The following KCNQ1 variants were observed in gnomAD, a reference collection of about 807,000 sequenced individuals.
The protein encoded by KCNQ1 is potassium voltage-gated channel subfamily Q member 1, also known as potassium voltage-gated channel subfamily KQT member 1.
A neutral mutation model predicts 72.4 loss-of-function variants in KCNQ1; 49 were observed. The ratio of observed to expected loss-of-function variants is 0.68; its 90% CI spans 0.54 to 0.86. The LOEUF is 0.86. KCNQ1 is among the 40% of genes least tolerant of loss of function. The probability of loss-of-function intolerance (pLI) is 0.00; values close to 1 mark genes in which losing one functional copy is unlikely to be tolerated. For synonymous variants in KCNQ1, 450 were observed against 412.6 expected (o/e 1.09, Z -1.10); for missense variants, 790 against 945.1 (o/e 0.84, Z 2.15).
intron 1 of KCNQ1, among the ~76,000 whole-genome samples, chr11:2,505,222 C>T (rs1022034660): frequency 2.6e-5 from 4 of 152,082 alleles, no homozygotes; most frequent in African/African-American, 7.2e-5. Flanking sequence ...CTCCCTCTGC[C>T]CCCCTTTTTC....
chr11:2,590,960 G>C (rs1047425736), intron 10 of KCNQ1, among the ~76,000 whole-genome samples: 8 of 152,354 alleles, frequency 5.3e-5, no homozygotes, highest in African/African-American at 1.7e-4. Flanking sequence ...TGCTGTGTAT[G>C]TGCTCAGCCA....
chr11:2,699,091 TC>T, intron 11 of KCNQ1: 1 of 398,516 alleles, frequency 2.5e-6, no homozygotes, highest in Non-Finnish European at 4.4e-6. Context: ...CCAACTTCCA[TC>T]CCAATAGCGC....
At chr11:2,837,607 C>T (rs1179325723) in intron 15 of KCNQ1, among the ~76,000 whole-genome samples, 1 of 152,212 alleles carries the variant, frequency 6.6e-6, no homozygotes, top group African/African-American at 2.4e-5. Flanking sequence ...AGGAACCGGG[C>T]AGACAGAGGT....
At chr11:2,585,926 C>T (rs1457337554) in intron 8 of KCNQ1, among the ~76,000 whole-genome samples, 1 of 152,224 alleles carries the variant, frequency 6.6e-6, no homozygotes, top group Non-Finnish European at 1.5e-5. Context: ...TCTGTCACTC[C>T]AGGCTCTCCA....
intron 2 of KCNQ1, among the ~76,000 whole-genome samples, chr11:2,552,935 G>A (rs933513639): frequency 3.9e-5 from 6 of 152,244 alleles, no homozygotes; most frequent in Non-Finnish European, 8.8e-5. Flanking sequence ...TCAGGATTGT[G>A]TAATTTTTAG....
chr11:2,590,165 A>T (rs1181896607), intron 10 of KCNQ1, among the ~76,000 whole-genome samples: 2 of 152,188 alleles, frequency 1.3e-5, no homozygotes, highest in African/African-American at 4.8e-5. Flanking sequence ...GGTATTTGAG[A>T]TAGCTGTGCT....
intron 11 of KCNQ1, among the ~76,000 whole-genome samples, chr11:2,761,133 A>G (rs1241047303): frequency 6.6e-6 from 1 of 152,164 alleles, no homozygotes; most frequent in Non-Finnish European, 1.5e-5. Flanking sequence ...CTCTCAGCAG[A>G]TGGGGGAGCA....
Position 2,782,686 on chromosome 11 carries a change from C to G in KCNQ1, c.1794+4649C>G, listed in dbSNP as rs1214331173. Among the ~76,000 whole-genome samples, 1 of 152,080 alleles carries G rather than the reference C, an allele frequency of 6.6e-6. No individual in the cohort carries two copies. The highest frequency in any genetic ancestry group is 1.5e-5 in the Non-Finnish European group (1 of 67,996). ...TATCAGTTTTGATAAGTTATATATT[C>G]TAGGAATTTATACATTTCATTTTAG... On this transcript the variant is annotated intron_variant, in intron 15 of 15. Coordinates refer to ENST00000155840, the MANE Select transcript of KCNQ1 (RefSeq NM_000218.3). The surrounding 1 kb of genome is among the most constrained non-coding windows in gnomAD (Gnocchi z 6.1).
intron 11 of KCNQ1, chr11:2,697,398 G>A (rs1237397304): frequency 2.5e-6 from 1 of 398,344 alleles, no homozygotes; most frequent in Admixed American, 4.4e-5. Context: ...TCTTGTATTA[G>A]GGTATGGCCA....
rs113092974 is a variant in KCNQ1, at chr11:2,608,018, C to T, written c.1393+19164C>T. On this transcript the variant is annotated intron_variant, in intron 10 of 15. Transcript: ENST00000155840. This position sits in a 1 kb window ranked among gnomAD's most constrained non-coding sequence, Gnocchi z 4.6. ...ATCAAGAAAGCATAAAGCACAATAG[C>T]GTGGATTTACCTAATGCCACAGAAC... Among the ~76,000 whole-genome samples, 1,382 of 152,194 alleles carry T rather than the reference C, an allele frequency of 9.1e-3. 27 individuals carry two copies. Among genetic ancestry groups the T allele is most frequent in the South Asian group, 0.05 (239 of 4,824 alleles).
In KCNQ1 at chr11:2,671,601, C is replaced by T; in HGVS notation, c.1514+9520C>T. On this transcript the variant is annotated intron_variant, in intron 11 of 15. Transcript: ENST00000155840. This position sits in a 1 kb window ranked among gnomAD's most constrained non-coding sequence, Gnocchi z 4.7. ...ATTTATACAAGATCAGACTGCACTG[C>T]ACCCTAAGTATAAACCTTGCCACAG... The T allele has an allele frequency of 2.5e-6, 1 of 398,664 alleles. No homozygotes were observed. 24.7% of individuals were successfully genotyped at this position (398,664 alleles called of 1,614,324 possible).
intron 15 of KCNQ1, among the ~76,000 whole-genome samples, chr11:2,841,309 C>T (rs1848205157): frequency 6.6e-6 from 1 of 152,140 alleles, no homozygotes; most frequent in African/African-American, 2.4e-5. Context: ...GATTTTACTC[C>T]CAGTCCAGTG....
chr11:2,502,226 C>A (rs1240449708), intron 1 of KCNQ1, among the ~76,000 whole-genome samples: 1 of 152,098 alleles, frequency 6.6e-6, no homozygotes, highest in Non-Finnish European at 1.5e-5. Context: ...AAATAAAGGG[C>A]ATCCAAGTTG....
rs1184594637 is a variant in KCNQ1, at chr11:2,809,470, C to T, written c.1794+31433C>T. On this transcript the variant is annotated intron_variant, in intron 15 of 15. Coordinates refer to ENST00000155840, the MANE Select transcript of KCNQ1 (RefSeq NM_000218.3). This position sits in a 1 kb window ranked among gnomAD's most constrained non-coding sequence, Gnocchi z 7.1. ...GTGGCATTGGTCCAGGTTTGTGATA[C>T]TTGTGCACAGCTTGGGGGCTCTGCT... Among the ~76,000 whole-genome samples, 1 of 152,144 alleles carries T rather than the reference C, an allele frequency of 6.6e-6. No homozygotes were observed. Among genetic ancestry groups the T allele is most frequent in the Non-Finnish European group, 1.5e-5 (1 of 68,030 alleles).
intron 10 of KCNQ1, chr11:2,616,658 G>A (rs1389060783): frequency 2.5e-6 from 1 of 398,048 alleles, no homozygotes; most frequent in African/African-American, 2.1e-5. Context: ...AATTTTTAAA[G>A]AGTGTGTAGT....
intron 1 of KCNQ1, among the ~76,000 whole-genome samples, chr11:2,512,408 T>C (rs1847224972): frequency 6.6e-6 from 1 of 151,862 alleles, no homozygotes; most frequent in Non-Finnish European, 1.5e-5. Flanking sequence ...TATGCCTACC[T>C]CCCTCTCTGA....
intron 15 of KCNQ1, among the ~76,000 whole-genome samples, chr11:2,835,449 C>A (rs1848043037): frequency 6.6e-6 from 1 of 152,054 alleles, no homozygotes; most frequent in African/African-American, 2.4e-5. Flanking sequence ...AGGCCAGGCT[C>A]CTCGGCCAGT....
At chr11:2,794,855 G>A (rs1372613988) in intron 15 of KCNQ1, among the ~76,000 whole-genome samples, 4 of 152,196 alleles carry the variant, frequency 2.6e-5, no homozygotes, top group Non-Finnish European at 4.4e-5. Flanking sequence ...CGGAGGGAAA[G>A]ACGGGAGGTC....
rs1269316250 is a variant in KCNQ1, at chr11:2,612,523, C to T, written c.1393+23669C>T. 1 of 398,476 alleles carries T rather than the reference C, an allele frequency of 2.5e-6. No homozygotes were observed. Among genetic ancestry groups the T allele is most frequent in the African/African-American group, 2.1e-5 (1 of 48,620 alleles). The allele number at this position is 398,476 out of a possible 1,614,324, so 24.7% of individuals were successfully genotyped here. A position where few individuals can be genotyped will look rare whatever the true frequency, so the allele number is the denominator to read the frequency against. ...TCTTTCTTCTGCCAGGTCAAATTTG[C>T]TTAGCCGCACTAGTGAGTTTTTCAC... On this transcript the variant is annotated intron_variant, in intron 10 of 15. Coordinates refer to ENST00000155840, the MANE Select transcript of KCNQ1 (RefSeq NM_000218.3). The surrounding 1 kb of genome is among the most constrained non-coding windows in gnomAD (Gnocchi z 5.5).
Sources: gnomAD v4.1 joint callset for allele counts (sites outside exome capture counted in the v4.1 genomes callset) on GRCh38, gnomAD v4.1.1 for gene constraint, Gnocchi (gnomAD v3.1) non-coding constraint, MANE v1.5 for transcripts, NCBI Gene and HGNC (gene_info 2026-07-23, HGNC 2026-07-21) for gene names.